Variants in LYRM7 observed in about 807,000 individuals in gnomAD.
LYRM7 encodes the protein complex III assembly factor LYRM7.
LYRM7 carries 9 observed loss-of-function variants against 15.8 expected under a neutral mutation model. The observed-to-expected ratio is 0.57, with a 90% CI of 0.34 to 0.99. LYRM7 has a LOEUF of 0.99. Among genes scored for constraint, LYRM7 ranks in the 50% least tolerant of loss-of-function variants. The pLI, the probability that LYRM7 is intolerant of heterozygous loss-of-function variation, is 0.02. For missense variants in LYRM7, 115 were observed against 119.1 expected (o/e 0.97, Z 0.16); for synonymous variants, 39 against 39.4 (o/e 0.99, Z 0.04).
In LYRM7 at chr5:131,201,579, T is replaced by A; in HGVS notation, c.*1978T>A. On this transcript the variant is annotated 3_prime_UTR_variant, in exon 5 of 5. Coordinates refer to ENST00000379380, the MANE Select transcript of LYRM7 (RefSeq NM_181705.4). ...TAAAAAAAATACAGAATTAGCCAGG[T>A]GTGGTGGCACATGTCTGTAATCCCA... 6.6e-6 allele frequency: 1 copy of A among 151,856 alleles called. No individual in the cohort carries two copies. The highest frequency in any genetic ancestry group is 2.0e-4 in the East Asian group (1 of 5,120). The allele number at this position is 151,856 out of a possible 1,614,324, so 9.4% of individuals were successfully genotyped here.
At chr5:131,182,142 C>A in intron 2 of LYRM7, 87 bp from the exon 3 acceptor site, 1 of 1,133,792 alleles carries the variant, frequency 8.8e-7, no homozygotes, top group Non-Finnish European at 1.2e-6. Flanking sequence ...AGAGAAGTAG[C>A]CATTCATAGT....
rs765213577 is a variant in LYRM7, at chr5:131,199,627, G to A, written c.*26G>A. On this transcript the variant is annotated 3_prime_UTR_variant, in exon 5 of 5. Transcript: ENST00000379380. ...GTTTTCTAGAATACAACAAGTCTTT[G>A]TACTTTTTAACTTTAAAATCTACAA... is the stretch of plus-strand genomic sequence containing the variant. 9.1e-6 allele frequency: 14 copies of A among 1,530,118 alleles called. No individual in the cohort carries two copies. Among genetic ancestry groups the A allele is most frequent in the South Asian group, 1.3e-5 (1 of 79,164 alleles). 94.8% of individuals were successfully genotyped at this position (1,530,118 alleles called of 1,614,324 possible).
chr5:131,187,100 A>G lies in LYRM7; in HGVS notation c.235A>G (p.Asn79Asp). Residue 79 changes from asparagine (N) to aspartate (D), a missense_variant, in exon 4 of 5, where the codon AAT becomes GAT. Coordinates refer to ENST00000379380, the MANE Select transcript of LYRM7 (RefSeq NM_181705.4). ...SVIQGIHTDHNTLKLVPRKDL... is the reference protein window; with the variant it reads ...SVIQGIHTDHDTLKLVPRKDL... ...TATACAAGGTATTCACACAGACCAC[A>G]ATACACTGAGTAAGTAAAATTAAAG... is the stretch of plus-strand genomic sequence containing the variant. 6.6e-7 allele frequency: 1 copy of G among 1,518,380 alleles called. No homozygotes were observed. Among genetic ancestry groups the G allele is most frequent in the South Asian group, 1.2e-5 (1 of 83,034 alleles). The allele number at this position is 1,518,380 out of a possible 1,614,324, so 94.1% of individuals were successfully genotyped here.
rs146140977 is a variant in LYRM7 at position 131,195,451 on chromosome 5, A to G, written c.245-4080A>G. On this transcript the variant is annotated intron_variant, in intron 4 of 4. Coordinates refer to ENST00000379380, the MANE Select transcript of LYRM7 (RefSeq NM_181705.4). ...AGAGCCTTGGAGAGTTAAAAATGCTAATTGTTCTTATCCACTAAAACTAAA... is the reference window on the plus strand; with the variant it reads ...AGAGCCTTGGAGAGTTAAAAATGCTGATTGTTCTTATCCACTAAAACTAAA... Among the ~76,000 whole-genome samples the G allele has an allele frequency of 6.1e-3, 923 of 152,258 alleles. 10 individuals are homozygous for G. Among genetic ancestry groups the G allele is most frequent in the African/African-American group, 0.022 (894 of 41,538 alleles).
chr5:131,199,726 GC>G lies in LYRM7; in HGVS notation c.*126del, dbSNP rs1244173412. The G allele has an allele frequency of 9.7e-6, 5 of 514,236 alleles. No individual in the cohort carries two copies. The highest frequency in any genetic ancestry group is 1.7e-5 in the Non-Finnish European group (5 of 292,898). 31.9% of individuals were successfully genotyped at this position (514,236 alleles called of 1,614,324 possible). A position where few individuals can be genotyped will look rare whatever the true frequency, so the allele number is the denominator to read the frequency against. On this transcript the variant is annotated 3_prime_UTR_variant, in exon 5 of 5. Coordinates refer to ENST00000379380, the MANE Select transcript of LYRM7 (RefSeq NM_181705.4). ...TTGAAAATGAATGAATTACAGAATA[GC>G]TTCATATTTAAATTTCATGTTAAAA...
At chr5:131,194,009 C>CAA (rs935835851) in intron 4 of LYRM7, among the ~76,000 whole-genome samples, 5 of 138,034 alleles carry the variant, frequency 3.6e-5, no homozygotes, top group Non-Finnish European at 7.9e-5. Flanking sequence ...AACTCCGTCT[C>CAA]AAAAAAAAAA....
chr5:131,185,423 A>G (rs945849487), intron 3 of LYRM7, among the ~76,000 whole-genome samples: 3 of 152,160 alleles, frequency 2.0e-5, no homozygotes, highest in Non-Finnish European at 4.4e-5. Flanking sequence ...ATTCTCTTCC[A>G]TGCCCTCAAA....
intron 2 of LYRM7, among the ~76,000 whole-genome samples, chr5:131,181,302 A>AAAT (rs1554089865): frequency 5.7e-4 from 5 of 8,774 alleles, no homozygotes; most frequent in Non-Finnish European, 1.7e-3. Flanking sequence ...AAAAAAAAAA[A>AAAT]ATATATATAT....
intron 1 of LYRM7, among the ~76,000 whole-genome samples, chr5:131,171,900 T>G (rs1755528401): frequency 6.6e-6 from 1 of 152,220 alleles, no homozygotes; most frequent in South Asian, 2.1e-4. Context: ...ATTCAAAAAT[T>G]TATTTGAATG....
intron 1 of LYRM7, among the ~76,000 whole-genome samples, chr5:131,178,924 T>G (rs1340307009): frequency 1.5e-5 from 2 of 136,686 alleles, no homozygotes; most frequent in African/African-American, 2.9e-5. Flanking sequence ...ATTGTGTCAT[T>G]GCACTCCAGC....
In LYRM7 at chr5:131,173,096, CT is replaced by C. The variant is rs1755547650; in HGVS notation, c.18+2060del. On this transcript the variant is annotated intron_variant, in intron 1 of 4. Transcript: ENST00000379380. Reference sequence around the variant, plus strand: ...CATGTAAAACCATTATGTTTACTTACTTCTCATTTTTTTAATCCCATGCAAC... The same window carrying C: ...CATGTAAAACCATTATGTTTACTTACTCTCATTTTTTTAATCCCATGCAAC... Among the ~76,000 whole-genome samples the C allele has an allele frequency of 2.0e-5, 3 of 152,116 alleles. No homozygotes were observed. In the South Asian group the frequency reaches 6.2e-4, roughly 32 times the overall value.
At chr5:131,194,110 A>G (rs367766351) in intron 4 of LYRM7, among the ~76,000 whole-genome samples, 12 of 152,334 alleles carry the variant, frequency 7.9e-5, no homozygotes, top group East Asian at 5.8e-4. Context: ...CATGATCTCA[A>G]TGCAGTTCCT....
chr5:131,191,333 C>G (rs958987516), intron 4 of LYRM7, among the ~76,000 whole-genome samples: 2 of 151,964 alleles, frequency 1.3e-5, no homozygotes, highest in African/African-American at 4.8e-5. Flanking sequence ...AAAAATTCTG[C>G]TTCTTGTTTA....
chr5:131,182,057 A>G lies in LYRM7; in HGVS notation c.92-172A>G, dbSNP rs1755721749. On this transcript the variant is annotated intron_variant, in intron 2 of 4. Transcript: ENST00000379380. ...TACCTACAAACTTGTCACCCTGTCA[A>G]AAGCTCTCCAAGAGACTTCATTAAT... is the stretch of plus-strand genomic sequence containing the variant. 2.0e-5 allele frequency among the ~76,000 whole-genome samples: 3 copies of G among 152,304 alleles called. No individual in the cohort carries two copies. The South Asian group carries it at 6.2e-4, about 32-fold the overall frequency.
intron 4 of LYRM7, among the ~76,000 whole-genome samples, chr5:131,190,168 A>G (rs1755863026): frequency 6.6e-6 from 1 of 151,712 alleles, no homozygotes; most frequent in Non-Finnish European, 1.5e-5. Context: ...AAAAAAAGAA[A>G]TTATTAGATC....
intron 3 of LYRM7, among the ~76,000 whole-genome samples, chr5:131,184,811 G>C (rs1267338663): frequency 1.3e-5 from 2 of 151,926 alleles, no homozygotes; most frequent in Non-Finnish European, 2.9e-5. Context: ...TCTCTGCCCT[G>C]CTAAGCCCCT....
chr5:131,187,513 C>T (rs1755817119), intron 4 of LYRM7, among the ~76,000 whole-genome samples: 2 of 149,512 alleles, frequency 1.3e-5, no homozygotes, highest in South Asian at 4.2e-4. Context: ...GAGATGGAGT[C>T]TCACTCTGTC....
intron 3 of LYRM7, among the ~76,000 whole-genome samples, chr5:131,184,640 C>CG (rs561008958): frequency 0.045 from 5,731 of 127,344 alleles, 193 homozygotes; most frequent in African/African-American, 0.1. Flanking sequence ...TTTTTTTTGG[C>CG]GGGGGGGGGG....
chr5:131,185,957 T>C (rs992638343), intron 3 of LYRM7, among the ~76,000 whole-genome samples: 1 of 152,248 alleles, frequency 6.6e-6, no homozygotes, highest in Non-Finnish European at 1.5e-5. Flanking sequence ...TCTACTTTTC[T>C]AAGAAAATAA....
Sources: gnomAD v4.1 joint callset for allele counts (sites outside exome capture counted in the v4.1 genomes callset) on GRCh38, gnomAD v4.1.1 for gene constraint, MANE v1.5 for transcripts, NCBI Gene and HGNC (gene_info 2026-07-23, HGNC 2026-07-21) for gene names.